The following MDGA2 variants were observed in gnomAD, a reference collection of about 807,000 sequenced individuals.
The protein encoded by MDGA2 is MAM domain-containing glycosylphosphatidylinositol anchor protein 2.
In MDGA2, 40 loss-of-function variants were observed where a neutral mutation model predicts 117.8. That is an observed-to-expected ratio of 0.34 (90% CI 0.26 to 0.44). MDGA2 has a LOEUF of 0.44. Among genes scored for constraint, MDGA2 ranks in the 20% least tolerant of loss-of-function variants. The pLI is 1.00. For missense variants in MDGA2, 1,123 were observed against 1,250.6 expected, an observed-to-expected ratio of 0.90 and a Z score of 1.54; for synonymous variants, 452 against 439.0, an observed-to-expected ratio of 1.03 and a Z score of -0.37.
intron 1 of MDGA2, among the ~76,000 whole-genome samples, chr14:47,586,561 C>T (rs544491000): frequency 6.6e-6 from 1 of 152,030 alleles, no homozygotes; most frequent in South Asian, 2.1e-4. Context: ...CTGGGCACAT[C>T]TGGGAAATGG....
At chr14:46,973,897 A>G (rs1221564078) in intron 8 of MDGA2, among the ~76,000 whole-genome samples, 1 of 55,028 alleles carries the variant, frequency 1.8e-5, no homozygotes, top group Non-Finnish European at 3.2e-5. Flanking sequence ...TTTTTAAATT[A>G]TTGTTATTTT....
chr14:46,883,071 C>T (rs1354623911), intron 10 of MDGA2, among the ~76,000 whole-genome samples: 1 of 151,980 alleles, frequency 6.6e-6, no homozygotes, highest in African/African-American at 2.4e-5. Flanking sequence ...TAATCTTTTA[C>T]AAAATCTTGC....
At chr14:46,896,732 G>T (rs1333976995) in intron 10 of MDGA2, among the ~76,000 whole-genome samples, 1 of 152,030 alleles carries the variant, frequency 6.6e-6, no homozygotes, top group Non-Finnish European at 1.5e-5. Flanking sequence ...ATACAATATT[G>T]TATTTTAGTG....
intron 8 of MDGA2, among the ~76,000 whole-genome samples, chr14:46,992,784 T>C (rs148828523): frequency 3.3e-4 from 51 of 152,260 alleles, no homozygotes; most frequent in Admixed American, 8.5e-4. Context: ...AGAAATTAAA[T>C]TTTGAGCTCA....
At chr14:47,599,173 G>A (rs1896600129) in intron 1 of MDGA2, among the ~76,000 whole-genome samples, 1 of 151,900 alleles carries the variant, frequency 6.6e-6, no homozygotes, top group African/African-American at 2.4e-5. Flanking sequence ...ATATCATTAT[G>A]CACAAAGAAG....
intron 6 of MDGA2, among the ~76,000 whole-genome samples, chr14:47,082,332 GAA>G (rs11285576): frequency 0.12 from 17,606 of 144,466 alleles, 1,315 homozygotes; most frequent in African/African-American, 0.23. Flanking sequence ...TCCAGGGAAG[GAA>G]AAAAAAAAAA....
intron 4 of MDGA2, among the ~76,000 whole-genome samples, chr14:47,133,720 T>G (rs1882319518): frequency 6.6e-6 from 1 of 151,966 alleles, no homozygotes; most frequent in Non-Finnish European, 1.5e-5. Context: ...ATATATTCCT[T>G]TAAACCTACT....
chr14:46,913,111 T>C (rs1351621381), intron 10 of MDGA2, among the ~76,000 whole-genome samples: 1 of 152,086 alleles, frequency 6.6e-6, no homozygotes, highest in African/African-American at 2.4e-5. Flanking sequence ...TTTTTCAAAA[T>C]TGTTCCCCAA....
chr14:47,307,045 CGCTT>C (rs1198103213), intron 1 of MDGA2, among the ~76,000 whole-genome samples: 1 of 152,136 alleles, frequency 6.6e-6, no homozygotes, highest in East Asian at 1.9e-4. Flanking sequence ...AGTGATCATA[CGCTT>C]TCATAAAACA....
intron 2 of MDGA2, among the ~76,000 whole-genome samples, chr14:47,243,616 G>A (rs949058156): frequency 2.0e-5 from 3 of 151,148 alleles, no homozygotes; most frequent in Non-Finnish European, 4.4e-5. Flanking sequence ...CACTCACCAC[G>A]AAGGTCTGCA....
chr14:47,665,598 G>A (rs138459260), intron 1 of MDGA2, among the ~76,000 whole-genome samples: 6,890 of 152,276 alleles, frequency 0.045, 143 homozygotes, highest in Middle Eastern at 0.068. Context: ...CCGGGTGGGC[G>A]TGGGCTTGGC....
intron 3 of MDGA2, among the ~76,000 whole-genome samples, chr14:47,169,864 T>C (rs1362453711): frequency 6.6e-6 from 1 of 151,994 alleles, no homozygotes; most frequent in Non-Finnish European, 1.5e-5. Context: ...TCCTCTAAAA[T>C]ATAAGTCAAA....
chr14:47,114,013 A>T (rs1881188868), intron 5 of MDGA2, among the ~76,000 whole-genome samples: 2 of 152,088 alleles, frequency 1.3e-5, no homozygotes, highest in South Asian at 4.1e-4. Context: ...AAACCCCATC[A>T]TCTCACCCCT....
At chr14:47,384,316 G>A (rs1891709437) in intron 1 of MDGA2, among the ~76,000 whole-genome samples, 1 of 150,212 alleles carries the variant, frequency 6.7e-6, no homozygotes, top group African/African-American at 2.5e-5. Flanking sequence ...CTAGTATCCA[G>A]GGGACTCCAA....
At chr14:47,603,918 G>A (rs1896693061) in intron 1 of MDGA2, among the ~76,000 whole-genome samples, 1 of 152,062 alleles carries the variant, frequency 6.6e-6, no homozygotes, top group Admixed American at 6.6e-5. Flanking sequence ...TCTCTTTCTT[G>A]CTCCTGCTCT....
At chr14:47,420,749 G>C (rs7159493) in intron 1 of MDGA2, among the ~76,000 whole-genome samples, 3 of 151,488 alleles carry the variant, frequency 2.0e-5, no homozygotes, top group Non-Finnish European at 1.5e-5. Flanking sequence ...CAGACACTAA[G>C]TTTTTATAAG....
At chr14:47,300,650 C>G (rs886852574) in intron 2 of MDGA2, among the ~76,000 whole-genome samples, 1 of 151,112 alleles carries the variant, frequency 6.6e-6, no homozygotes, top group Non-Finnish European at 1.5e-5. Flanking sequence ...ACACCAGGCC[C>G]AGATAATTTT....
chr14:47,129,559 C>A (rs1414650473), intron 5 of MDGA2, among the ~76,000 whole-genome samples: 1 of 147,922 alleles, frequency 6.8e-6, no homozygotes, highest in African/African-American at 2.5e-5. Context: ...CATACGTGTG[C>A]ATGTGTCTTT....
At chr14:47,668,691 GCTAAAAATGTTCA>G (rs1898021452) in intron 1 of MDGA2, among the ~76,000 whole-genome samples, 2 of 152,154 alleles carry the variant, frequency 1.3e-5, no homozygotes, top group South Asian at 4.1e-4. Context: ...TTACAAAGAA[GCTAAAAATGTTCA>G]CTCTTTTCAT....
Sources: allele counts gnomAD v4.1 joint callset (sites outside exome capture counted in the v4.1 genomes callset), GRCh38; gene constraint gnomAD v4.1.1; transcripts MANE v1.5; gene names NCBI Gene and HGNC (gene_info 2026-07-23, HGNC 2026-07-21).